Variants in TBKBP1 observed in about 807,000 individuals in gnomAD.
The protein encoded by TBKBP1 is TANK-binding kinase 1-binding protein 1.
Under a neutral mutation model 69.9 loss-of-function variants are expected in TBKBP1, and 47 were observed. The ratio of observed to expected loss-of-function variants is 0.67; its 90% CI spans 0.53 to 0.86. The LOEUF is 0.86. Ranked by LOEUF, TBKBP1 falls within the 40% of genes least tolerant of loss-of-function variation. The pLI is 0.00. For missense variants in TBKBP1, 831 were observed against 858.6 expected (o/e 0.97, Z 0.40); for synonymous variants, 418 against 390.3 (o/e 1.07, Z -0.84).
intron 9 of TBKBP1, 94 bp downstream of exon 9, chr17:47,709,546 G>T (rs1006850100): frequency 7.2e-6 from 10 of 1,388,814 alleles, no homozygotes; most frequent in African/African-American, 4.6e-5. Flanking sequence ...TGCCCCTTTC[G>T]GGTGTCAGCG....
chr17:47,699,461 G>GGGAGCTGAA lies in TBKBP1; in HGVS notation c.778_786dup (p.Glu260_Lys262dup), dbSNP rs979632776. On this transcript the variant is annotated inframe_insertion, in exon 6 of 10. Transcript: ENST00000578982. ...CAGGCCGAGTGCGAGCGGCTGCAGG[G>GGGAGCTGAA]GGAGCTGAAGCAGCTGCAGGAGACC... 4 of 1,573,522 alleles carry GGGAGCTGAA rather than the reference G, an allele frequency of 2.5e-6. No homozygotes were observed. In the African/African-American group the frequency reaches 5.4e-5, roughly 21 times the overall value.
Position 47,711,700 on chromosome 17 carries a change from G to A in TBKBP1, c.*1074G>A, listed in dbSNP as rs2031929177. 6.6e-6 allele frequency: 1 copy of A among 152,610 alleles called. No homozygotes were observed. The highest frequency in any genetic ancestry group is 2.1e-4 in the South Asian group (1 of 4,830). The allele number at this position is 152,610 out of a possible 1,614,324, so 9.5% of individuals were successfully genotyped here. On this transcript the variant is annotated 3_prime_UTR_variant, in exon 10 of 10. Coordinates refer to ENST00000578982, the MANE Select transcript of TBKBP1 (RefSeq NM_001394755.1). ...TAAGCAGGAGGCCAGGGGGTCCCCA[G>A]GGCTGAGGTGGGGAGCCTTCTACGG... is the stretch of plus-strand genomic sequence containing the variant.
intron 1 of TBKBP1, chr17:47,695,676 C>G (rs1337607709): frequency 6.2e-6 from 1 of 160,482 alleles, no homozygotes; most frequent in African/African-American, 2.4e-5. Flanking sequence ...GAGGCCCAGG[C>G]TGAGGAGCTT....
rs912390901 is a variant in TBKBP1, at chr17:47,709,074, G to A, written c.1341G>A (p.Pro447=). 3 of 1,350,732 alleles carry A rather than the reference G, an allele frequency of 2.2e-6. No homozygotes were observed. The highest frequency in any genetic ancestry group is 1.6e-5 in the African/African-American group (1 of 64,132). 83.7% of individuals were successfully genotyped at this position (1,350,732 alleles called of 1,614,324 possible). ...TGGCCGAGCGCGCCTACGCCAAGCC[G>A]CCCAGCCACCACGTGAAGGCCGGCT... ...RTLAERAYAK[P]PSHHVKAGFQ... Residue 447 remains proline (P), a synonymous_variant, in exon 9 of 10, where the codon CCG becomes CCA. Transcript: ENST00000578982.
chr17:47,710,766 G>A lies in TBKBP1; in HGVS notation c.*140G>A. ...CCTCCACTTGCTACCGAGTCAACGT[G>A]TGTGCCATCTTCCCTGGTCCAGGCA... On this transcript the variant is annotated 3_prime_UTR_variant, in exon 10 of 10. Transcript: ENST00000578982. 1 of 1,257,382 alleles carries A rather than the reference G, an allele frequency of 8.0e-7. No homozygotes were observed. Among genetic ancestry groups the A allele is most frequent in the Non-Finnish European group, 1.1e-6 (1 of 908,710 alleles). The allele number at this position is 1,257,382 out of a possible 1,614,324, so 77.9% of individuals were successfully genotyped here.
chr17:47,706,722 C>T (rs1026984783), intron 7 of TBKBP1, among the ~76,000 whole-genome samples: 3 of 152,156 alleles, frequency 2.0e-5, no homozygotes, highest in South Asian at 4.2e-4. Context: ...AGCCAGTGAG[C>T]GACAGCAGGG....
Position 47,696,620 on chromosome 17 carries a change from G to A in TBKBP1, c.226-91G>A, listed in dbSNP as rs371541087. The A allele has an allele frequency of 1.9e-6, 3 of 1,593,864 alleles. No homozygotes were observed. The East Asian group carries it at 6.7e-5, about 36-fold the overall frequency. ...CAAGGAGAAGGAGGGTCAAAGGTCT[G>A]AGGCAGGTTGTGGGTTGGGGGCACA... On this transcript the variant is annotated intron_variant, in intron 2 of 9. Transcript: ENST00000578982.
intron 7 of TBKBP1, among the ~76,000 whole-genome samples, chr17:47,704,229 G>A (rs1219580704): frequency 6.6e-6 from 1 of 152,226 alleles, no homozygotes; most frequent in Non-Finnish European, 1.5e-5. Context: ...AGCTCTGGTG[G>A]ATTCGTGGCA....
intron 4 of TBKBP1, among the ~76,000 whole-genome samples, chr17:47,697,746 C>T (rs2031307023): frequency 6.6e-6 from 1 of 151,922 alleles, no homozygotes; most frequent in Non-Finnish European, 1.5e-5. Context: ...GAGTTTGAGA[C>T]CAGCCTGGGC....
At position 47,711,777 on chromosome 17, in the gene TBKBP1, C is replaced by T. The variant is rs966767651; in HGVS notation, c.*1151C>T. On this transcript the variant is annotated 3_prime_UTR_variant, in exon 10 of 10. Coordinates refer to ENST00000578982, the MANE Select transcript of TBKBP1 (RefSeq NM_001394755.1). ...CCACCCTGCTCCACTGCGCGCCTCT[C>T]CCAGGTCTCAGCTCTGGGTGGGGAG... 6.6e-6 allele frequency: 1 copy of T among 152,514 alleles called. No homozygotes were observed. Among genetic ancestry groups the T allele is most frequent in the Non-Finnish European group, 1.5e-5 (1 of 68,070 alleles). The allele number at this position is 152,514 out of a possible 1,614,324, so 9.4% of individuals were successfully genotyped here.
In TBKBP1 at chr17:47,709,207, T is replaced by C; in HGVS notation, c.1474T>C (p.Tyr492His). The change falls in exon 9 of 10, where the codon TAC (tyrosine) becomes CAC (histidine). Residue 492 changes from tyrosine to histidine, a missense_variant. Transcript: ENST00000578982. ...GGCCACTCTCCCCAAGCCCCGGGCCTACGGCAGCGAGCTCTACGGCCCTGG... is the reference window on the plus strand; with the variant it reads ...GGCCACTCTCCCCAAGCCCCGGGCCCACGGCAGCGAGCTCTACGGCCCTGG... ...EAATLPKPRA[Y>H]GSELYGPGRP... 6.6e-7 allele frequency: 1 copy of C among 1,517,808 alleles called. No individual in the cohort carries two copies. Among genetic ancestry groups the C allele is most frequent in the Non-Finnish European group, 8.8e-7 (1 of 1,142,204 alleles). The allele number at this position is 1,517,808 out of a possible 1,614,324, so 94.0% of individuals were successfully genotyped here. A position where few individuals can be genotyped will look rare whatever the true frequency, so the allele number is the denominator to read the frequency against.
intron 9 of TBKBP1, among the ~76,000 whole-genome samples, chr17:47,709,737 G>A (rs569930352): frequency 1.3e-5 from 2 of 152,186 alleles, no homozygotes; most frequent in South Asian, 2.1e-4. Context: ...AAACTCCACC[G>A]CTTAATAGCT....
At position 47,710,734 on chromosome 17, in the gene TBKBP1, C is replaced by G; in HGVS notation, c.*108C>G. 4 of 1,427,836 alleles carry G rather than the reference C, an allele frequency of 2.8e-6. No homozygotes were observed. The highest frequency in any genetic ancestry group is 1.4e-5 in the African/African-American group (1 of 71,098). 88.4% of individuals were successfully genotyped at this position (1,427,836 alleles called of 1,614,324 possible). On this transcript the variant is annotated 3_prime_UTR_variant, in exon 10 of 10. Transcript: ENST00000578982. ...TGGGGGGTCCCTGCCCTTGCGACCC[C>G]CAGATACCTCCACTTGCTACCGAGT... is the stretch of plus-strand genomic sequence containing the variant.
chr17:47,701,804 C>CCT (rs952313691), intron 7 of TBKBP1, among the ~76,000 whole-genome samples: 5 of 152,098 alleles, frequency 3.3e-5, no homozygotes, highest in African/African-American at 7.2e-5. Flanking sequence ...CAGCCCCTTC[C>CCT]CTCTCTCTCT....
At position 47,694,414 on chromosome 17, in the gene TBKBP1, C is replaced by T. The variant is rs577500687; in HGVS notation, c.-35+220C>T. Among the ~76,000 whole-genome samples, 1,311 of 151,964 alleles carry T rather than the reference C, an allele frequency of 8.6e-3. 8 individuals are homozygous for T. The highest frequency in any genetic ancestry group is 0.014 in the Non-Finnish European group (917 of 67,908). ...CCACTCCCGGAGCCCCTTCCCCGGC[C>T]CCGAGAGGGTGTCCGGGGGCCCAGG... On this transcript the variant is annotated intron_variant, in intron 1 of 9. Transcript: ENST00000578982.
Position 47,708,426 on chromosome 17 carries a change from C to T in TBKBP1, c.905C>T (p.Thr302Met), listed in dbSNP as rs774446018. ...TTGGCGCTGGCCTACACCGAGCTGA[C>T]GGAGGAGCTGGGCCGGCTTCGGGAG... The part of the protein sequence containing the change: ...VNLALAYTEL[T>M]EELGRLRELS... Residue 302 changes from threonine to methionine, a missense_variant, in exon 8 of 10, where the codon ACG becomes ATG. Transcript: ENST00000578982. The surrounding 1 kb of genome is among the most constrained non-coding windows in gnomAD (Gnocchi z 4.4). 16 of 1,613,744 alleles carry T rather than the reference C, an allele frequency of 9.9e-6. No individual in the cohort carries two copies. In the East Asian group the frequency reaches 1.8e-4, roughly 18 times the overall value.
At chr17:47,698,962 G>A (rs908884914) in intron 5 of TBKBP1, among the ~76,000 whole-genome samples, 187 bp downstream of exon 5, 2 of 151,680 alleles carry the variant, frequency 1.3e-5, no homozygotes, top group Non-Finnish European at 2.9e-5. Flanking sequence ...CTTCTAACTC[G>A]GTCATTCCTG....
In TBKBP1 at chr17:47,694,763, G is replaced by T. The variant is rs908042836; in HGVS notation, c.-35+569G>T. On this transcript the variant is annotated intron_variant, in intron 1 of 9. Transcript: ENST00000578982. ...AAGCGCTGGCGCGCGGAGCTGGGGG[G>T]AGGGGATGGCGTGGGAAGGAGAGGG... 2.6e-5 allele frequency: 4 copies of T among 152,150 alleles called. No homozygotes were observed. The East Asian group carries it at 7.8e-4, about 30-fold the overall frequency. 9.4% of individuals were successfully genotyped at this position (152,150 alleles called of 1,614,324 possible).
chr17:47,710,365 G>A (rs2031880524), intron 9 of TBKBP1, 133 bp from the exon 10 acceptor site: 2 of 1,242,954 alleles, frequency 1.6e-6, no homozygotes, highest in South Asian at 3.0e-5. Flanking sequence ...GGACGGTGCT[G>A]AAGAAAGGGT....
Sources: gnomAD v4.1 joint callset for allele counts (sites outside exome capture counted in the v4.1 genomes callset) on GRCh38, gnomAD v4.1.1 for gene constraint, Gnocchi (gnomAD v3.1) non-coding constraint, MANE v1.5 for transcripts, NCBI Gene and HGNC (gene_info 2026-07-23, HGNC 2026-07-21) for gene names.